PRELID2: variants seen among roughly 807,000 people sequenced by gnomAD.
The protein encoded by PRELID2 is PRELI domain-containing protein 2.
In PRELID2, 25 loss-of-function variants were observed where a neutral mutation model predicts 28.4. The observed-to-expected ratio is 0.88, with a 90% CI of 0.64 to 1.23. The LOEUF (loss-of-function observed/expected upper bound fraction) is 1.23. PRELID2 is among the 50% of genes most tolerant of loss of function. PRELID2 has a pLI of 0.00. For synonymous variants in PRELID2, 76 were observed against 71.6 expected (o/e 1.06, Z -0.31); for missense variants, 201 against 214.4 (o/e 0.94, Z 0.39).
the PRELID2 span, among the ~76,000 whole-genome samples, chr5:145,419,990 C>A: frequency 6.6e-6 from 1 of 151,948 alleles, no homozygotes; most frequent in Non-Finnish European, 1.5e-5. Flanking sequence ...AATAGGGAAT[C>A]CTTTCCCCAT....
chr5:145,750,431 C>T (rs112007952), intron 1 of PRELID2, among the ~76,000 whole-genome samples: 132 of 152,158 alleles, frequency 8.7e-4, no homozygotes, highest in African/African-American at 3.0e-3. Context: ...CTCCTAAGCC[C>T]TTATTCTCAC....
chr5:145,410,505 G>A, the PRELID2 span, among the ~76,000 whole-genome samples: 1 of 152,164 alleles, frequency 6.6e-6, no homozygotes, highest in African/African-American at 2.4e-5. Context: ...GTTCTGCATG[G>A]TTTGGGAGAC....
At chr5:145,393,384 G>A in the PRELID2 span, among the ~76,000 whole-genome samples, 1 of 152,132 alleles carries the variant, frequency 6.6e-6, no homozygotes, top group Admixed American at 6.6e-5. Context: ...GCCTGGCTTT[G>A]GGTTTTTAAA....
At chr5:145,621,194 CATT>C (rs1753769118) in intron 1 of PRELID2, among the ~76,000 whole-genome samples, 1 of 152,040 alleles carries the variant, frequency 6.6e-6, no homozygotes, top group Non-Finnish European at 1.5e-5. Flanking sequence ...TGTTTAACAT[CATT>C]AAGTCATTAA....
intron 1 of PRELID2, among the ~76,000 whole-genome samples, chr5:145,512,146 G>A (rs559690651): frequency 6.6e-6 from 1 of 152,240 alleles, no homozygotes; most frequent in South Asian, 2.1e-4. Context: ...CTCATGAGAA[G>A]AAGGTGGTGG....
At chr5:145,733,082 C>CAA (rs556645506) in intron 1 of PRELID2, among the ~76,000 whole-genome samples, 6 of 78,086 alleles carry the variant, frequency 7.7e-5, no homozygotes, top group South Asian at 7.3e-4. Context: ...CCTGTCTCTA[C>CAA]AAAAAAAAAA....
the PRELID2 span, among the ~76,000 whole-genome samples, chr5:145,289,256 G>T: frequency 1.3e-5 from 2 of 151,962 alleles, no homozygotes; most frequent in African/African-American, 4.8e-5. Context: ...TAGTTTCTCT[G>T]GCTGAAAAAG....
At chr5:145,403,347 G>A in the PRELID2 span, among the ~76,000 whole-genome samples, 2 of 152,162 alleles carry the variant, frequency 1.3e-5, no homozygotes, top group African/African-American at 4.8e-5. Flanking sequence ...AGGCCAGCCT[G>A]GGCAACATAG....
intron 1 of PRELID2, among the ~76,000 whole-genome samples, chr5:145,560,650 C>T (rs570955141): frequency 6.6e-5 from 10 of 152,178 alleles, no homozygotes; most frequent in Non-Finnish European, 1.5e-4. Context: ...CAACCAGTCC[C>T]TTTGCTATCT....
the PRELID2 span, among the ~76,000 whole-genome samples, chr5:145,270,911 T>C: frequency 4.1e-4 from 63 of 152,086 alleles, no homozygotes; most frequent in African/African-American, 1.5e-3. Flanking sequence ...AGGAAAGAGG[T>C]TTAATTAAGC....
At chr5:145,771,238 A>G (rs1040881448) in intron 5 of PRELID2, among the ~76,000 whole-genome samples, 2 of 152,148 alleles carry the variant, frequency 1.3e-5, no homozygotes, top group African/African-American at 4.8e-5. Flanking sequence ...AGTACAGTAC[A>G]TGAGTACAGA....
chr5:145,753,419 C>T (rs547209484), downstream of PRELID2, among the ~76,000 whole-genome samples: 20 of 152,232 alleles, frequency 1.3e-4, no homozygotes, highest in South Asian at 6.2e-4. Flanking sequence ...AGGCTGTGCA[C>T]GAAGTAGTAT....
the PRELID2 span, among the ~76,000 whole-genome samples, chr5:145,361,485 A>G: frequency 6.6e-6 from 1 of 152,168 alleles, no homozygotes. Context: ...TCAGCAATAC[A>G]GCTCTGGTCC....
intron 1 of PRELID2, among the ~76,000 whole-genome samples, chr5:145,587,996 GC>G (rs1415366463): frequency 3.9e-5 from 6 of 152,048 alleles, no homozygotes; most frequent in Admixed American, 2.0e-4. Flanking sequence ...GATCATTTTT[GC>G]CTGCTTACTA....
chr5:145,321,258 A>G, the PRELID2 span, among the ~76,000 whole-genome samples: 1 of 152,166 alleles, frequency 6.6e-6, no homozygotes, highest in Non-Finnish European at 1.5e-5. Context: ...TTTTTTTACC[A>G]AAGTTACTAA....
At chr5:145,373,749 TATATG>T in the PRELID2 span, among the ~76,000 whole-genome samples, 1 of 76,316 alleles carries the variant, frequency 1.3e-5, no homozygotes, top group African/African-American at 6.0e-5. Context: ...ATATATAATA[TATATG>T]ATATTATATA....
intron 1 of PRELID2, among the ~76,000 whole-genome samples, chr5:145,650,506 G>C (rs541553459): frequency 7.6e-6 from 1 of 132,210 alleles, no homozygotes; most frequent in African/African-American, 2.8e-5. Context: ...GGTGAATTTT[G>C]AGCATATCGA....
At chr5:145,361,873 C>T in the PRELID2 span, among the ~76,000 whole-genome samples, 1 of 152,054 alleles carries the variant, frequency 6.6e-6, no homozygotes, top group Admixed American at 6.6e-5. Flanking sequence ...TGGAAAGTCC[C>T]AAATCATGTC....
the PRELID2 span, among the ~76,000 whole-genome samples, chr5:145,414,417 G>C: frequency 6.6e-6 from 1 of 152,138 alleles, no homozygotes; most frequent in Admixed American, 6.5e-5. Flanking sequence ...CCATTGTCCA[G>C]CATATCTCTG....
Sources: allele counts gnomAD v4.1 joint callset (sites outside exome capture counted in the v4.1 genomes callset), GRCh38; gene constraint gnomAD v4.1.1; transcripts MANE v1.5; gene names NCBI Gene and HGNC (gene_info 2026-07-23, HGNC 2026-07-21).